The following POLR3H variants were observed in gnomAD, a reference collection of about 807,000 sequenced individuals.
POLR3H encodes the protein DNA-directed RNA polymerase III subunit RPC8.
POLR3H carries 17 observed loss-of-function variants against 25.5 expected under a neutral mutation model. The observed-to-expected ratio is 0.67, with a 90% CI of 0.46 to 1.00. The LOEUF is 1.00. Ranked by LOEUF, POLR3H falls within the 50% of genes least tolerant of loss-of-function variation. The probability of loss-of-function intolerance (pLI) is 0.00; values close to 1 mark genes in which losing one functional copy is unlikely to be tolerated. For synonymous variants in POLR3H, 129 were observed against 103.0 expected, an observed-to-expected ratio of 1.25 and a Z score of -1.53; for missense variants, 274 against 265.0, an observed-to-expected ratio of 1.03 and a Z score of -0.24.
In POLR3H at chr22:41,529,838, C is replaced by T. The variant is rs190551916; in HGVS notation, c.562-502G>A. Among the ~76,000 whole-genome samples the T allele has an allele frequency of 7.2e-5, 11 of 152,002 alleles. No homozygotes were observed. In the South Asian group the frequency reaches 2.1e-3, roughly 29 times the overall value. ...TGGCACGATCTTGGCTCACTGCAAC[C>T]TCCACCTCCCGGGTTCACACCATTC... On this transcript the variant is annotated intron_variant, in intron 5 of 5. Coordinates refer to ENST00000355209, the MANE Select transcript of POLR3H (RefSeq NM_001018050.4).
chr22:41,542,001 G>A (rs57878423), intron 1 of POLR3H, among the ~76,000 whole-genome samples: 12,632 of 151,934 alleles, frequency 0.083, 1,758 homozygotes, highest in African/African-American at 0.29. Context: ...TGTGTGGCCT[G>A]GCCCCCACCC....
chr22:41,539,839 C>T (rs2066902483), intron 2 of POLR3H: 2 of 153,928 alleles, frequency 1.3e-5, no homozygotes, highest in African/African-American at 2.4e-5. Context: ...CTAGATTGTC[C>T]AGCCCCAGGC....
Position 41,526,107 on chromosome 22 carries a change from C to T in POLR3H, c.*3176G>A. 2 of 637,628 alleles carry T rather than the reference C, an allele frequency of 3.1e-6. No individual in the cohort carries two copies. The highest frequency in any genetic ancestry group is 2.0e-5 in the South Asian group (1 of 49,568). 39.5% of individuals were successfully genotyped at this position (637,628 alleles called of 1,614,324 possible). A position where few individuals can be genotyped will look rare whatever the true frequency, so the allele number is the denominator to read the frequency against. On this transcript the variant is annotated 3_prime_UTR_variant, in exon 6 of 6. Coordinates refer to ENST00000355209, the MANE Select transcript of POLR3H (RefSeq NM_001018050.4). Reference sequence around the variant, plus strand: ...CCATGTGGCCTTAGGGTGGAAGCACCAGGACCACAGAACACGTGTCTGAAG... The same window carrying T: ...CCATGTGGCCTTAGGGTGGAAGCACTAGGACCACAGAACACGTGTCTGAAG...
intron 1 of POLR3H, chr22:41,543,677 T>C: frequency 2.1e-6 from 1 of 481,484 alleles, no homozygotes; most frequent in Admixed American, 2.9e-5. Flanking sequence ...AAACAATGCA[T>C]GGCTGGAAGG....
intron 2 of POLR3H, chr22:41,540,070 A>T (rs2066905345): frequency 5.6e-6 from 1 of 178,844 alleles, no homozygotes; most frequent in Non-Finnish European, 1.2e-5. Context: ...AGAGGCACAG[A>T]GCAATGACAT....
chr22:41,541,505 G>C (rs1243121231), intron 1 of POLR3H, among the ~76,000 whole-genome samples: 1 of 152,144 alleles, frequency 6.6e-6, no homozygotes, highest in Non-Finnish European at 1.5e-5. Context: ...CCCCCACTTA[G>C]AACCCTTGCA....
At chr22:41,533,662 G>A (rs1045581762) in intron 2 of POLR3H, 10 of 1,303,928 alleles carry the variant, frequency 7.7e-6, no homozygotes, top group African/African-American at 6.1e-5. Flanking sequence ...AGGGCATGAG[G>A]AGAGGCAGCC....
chr22:41,527,471 A>G lies in POLR3H; in HGVS notation c.*1812T>C. ...ATCCTCATCCCATCCCTAGTGATCA[A>G]GGTCACTCTCCCTGCCCGTGGCTGA... On this transcript the variant is annotated 3_prime_UTR_variant, in exon 6 of 6. Transcript: ENST00000355209. The G allele has an allele frequency of 6.4e-7, 1 of 1,561,924 alleles. No individual in the cohort carries two copies. The highest frequency in any genetic ancestry group is 1.2e-5 in the South Asian group (1 of 83,644).
chr22:41,544,422 A>ACGGTGCGCACCGCGCACCG lies in POLR3H; in HGVS notation c.-322_-321insCGGTGCGCGGTGCGCACCG, dbSNP rs1555894479. The ACGGTGCGCACCGCGCACCG allele has an allele frequency of 3.2e-5, 6 of 186,974 alleles. No individual in the cohort carries two copies. The highest frequency in any genetic ancestry group is 1.3e-4 in the African/African-American group (4 of 30,520). The allele number at this position is 186,974 out of a possible 1,614,324, so 11.6% of individuals were successfully genotyped here. Reference sequence around the variant, plus strand: ...CGCGCCACGTGCCGCCGCTCGTATCACGCACCACGCACCACGCACCGCGCA... The same window carrying ACGGTGCGCACCGCGCACCG: ...CGCGCCACGTGCCGCCGCTCGTATCACGGTGCGCACCGCGCACCGCGCACCACGCACCACGCACCGCGCA... On this transcript the variant is annotated 5_prime_UTR_variant, in exon 1 of 6. Coordinates refer to ENST00000355209, the MANE Select transcript of POLR3H (RefSeq NM_001018050.4).
chr22:41,540,364 A>ACT (rs1436914490), intron 2 of POLR3H: 7 of 380,310 alleles, frequency 1.8e-5, no homozygotes, highest in Non-Finnish European at 3.5e-5. Flanking sequence ...AGATGAGGGA[A>ACT]CAGAGGCCCA....
At chr22:41,532,794 G>C in intron 2 of POLR3H, 49 bp from the exon 3 acceptor site, 1 of 1,591,920 alleles carries the variant, frequency 6.3e-7, no homozygotes, top group Non-Finnish European at 8.6e-7. Flanking sequence ...GCCCCAGTGC[G>C]CTCCCATGTC....
intron 5 of POLR3H, among the ~76,000 whole-genome samples, 168 bp from the exon 6 acceptor site, chr22:41,529,504 GGCACGCA>G (rs574209195): frequency 2.0e-4 from 30 of 152,326 alleles, no homozygotes; most frequent in South Asian, 1.0e-3. Flanking sequence ...GCTCCCAACG[GGCACGCA>G]GCACGCAGGG....
At chr22:41,535,858 A>C (rs1056585167) in intron 2 of POLR3H, among the ~76,000 whole-genome samples, 1 of 152,170 alleles carries the variant, frequency 6.6e-6, no homozygotes, top group Non-Finnish European at 1.5e-5. Context: ...CTGTAATCCC[A>C]GCTACTCGGG....
chr22:41,532,825 C>G, intron 2 of POLR3H, 80 bp from the exon 3 acceptor site: 1 of 1,499,852 alleles, frequency 6.7e-7, no homozygotes, highest in East Asian at 2.3e-5. Flanking sequence ...GCCAGCACAC[C>G]TGGGGGCCTG....
chr22:41,531,646 A>G (rs2145543296), intron 4 of POLR3H, among the ~76,000 whole-genome samples: 1 of 152,344 alleles, frequency 6.6e-6, no homozygotes, highest in Non-Finnish European at 1.5e-5. Context: ...CAGCAAGGTG[A>G]GGGGTGGGAC....
Position 41,535,716 on chromosome 22 carries a change from G to A in POLR3H, c.209-2971C>T, listed in dbSNP as rs369235591. On this transcript the variant is annotated intron_variant, in intron 2 of 5. Coordinates refer to ENST00000355209, the MANE Select transcript of POLR3H (RefSeq NM_001018050.4). Reference sequence around the variant, plus strand: ...AGGCCGGGCGCTGTGGCTCACGCCTGTAATCCCAGCACTTTGGGAGGCCAA... The same window carrying A: ...AGGCCGGGCGCTGTGGCTCACGCCTATAATCCCAGCACTTTGGGAGGCCAA... Among the ~76,000 whole-genome samples, 131 of 152,310 alleles carry A rather than the reference G, an allele frequency of 8.6e-4. 5 individuals carry two copies. In the South Asian group the frequency reaches 0.027, roughly 31 times the overall value.
At chr22:41,542,003 C>T (rs1412379770) in intron 1 of POLR3H, among the ~76,000 whole-genome samples, 1 of 152,118 alleles carries the variant, frequency 6.6e-6, no homozygotes, top group African/African-American at 2.4e-5. Flanking sequence ...TGTGGCCTGG[C>T]CCCCACCCAC....
intron 2 of POLR3H, chr22:41,533,748 A>T: frequency 7.7e-7 from 1 of 1,296,606 alleles, no homozygotes; most frequent in African/African-American, 1.5e-5. Context: ...CCTTGTGCTG[A>T]CCTCCCAGAG....
rs1274156258 is a variant in POLR3H at position 41,543,694 on chromosome 22, A to G, written c.111+297T>C. Reference sequence around the variant, plus strand: ...ACAATGCATGGCTGGAAGGACAGCAATATTTTATCCCCATTTTAAAAATGG... The same window carrying G: ...ACAATGCATGGCTGGAAGGACAGCAGTATTTTATCCCCATTTTAAAAATGG... On this transcript the variant is annotated intron_variant, in intron 1 of 5. Transcript: ENST00000355209. The G allele has an allele frequency of 7.6e-6, 4 of 528,830 alleles. No individual in the cohort carries two copies. In the East Asian group the frequency reaches 1.8e-4, roughly 23 times the overall value. 32.8% of individuals were successfully genotyped at this position (528,830 alleles called of 1,614,324 possible). A position where few individuals can be genotyped will look rare whatever the true frequency, so the allele number is the denominator to read the frequency against.
Sources: gnomAD v4.1 joint callset for allele counts (sites outside exome capture counted in the v4.1 genomes callset) on GRCh38, gnomAD v4.1.1 for gene constraint, MANE v1.5 for transcripts, NCBI Gene and HGNC (gene_info 2026-07-23, HGNC 2026-07-21) for gene names.